Variants in CEP290 observed in about 807,000 individuals in gnomAD.
CEP290 encodes the protein centrosomal protein 290, also known as centrosomal protein of 290 kDa.
CEP290 carries 317 observed loss-of-function variants against 344.9 expected under a neutral mutation model. The observed-to-expected ratio is 0.92, with a 90% CI of 0.84 to 1.01. CEP290 has a LOEUF of 1.01. Ranked by LOEUF, CEP290 falls within the 50% of genes least tolerant of loss-of-function variation. The pLI is 0.00. For missense variants in CEP290, 2,754 were observed against 2,761.4 expected (o/e 1.00, Z 0.06); for synonymous variants, 932 against 895.8 (o/e 1.04, Z -0.72).
chr12:88,141,141 ATATTT>A (rs1158514729), intron 2 of CEP290, 60 bp downstream of exon 2: 3 of 1,286,870 alleles, frequency 2.3e-6, no homozygotes, highest in Non-Finnish European at 3.1e-6. Context: ...AAATAAATTC[ATATTT>A]TATTAATAAA....
intron 49 of CEP290, 59 bp from the exon 50 acceptor site, chr12:88,055,776 AAGTC>A: frequency 2.5e-6 from 3 of 1,195,576 alleles, no homozygotes; most frequent in Non-Finnish European, 3.5e-6. Context: ...ACTGATTTAA[AAGTC>A]AGTTCAAATA....
chr12:88,094,029 C>A, intron 27 of CEP290, 54 bp from the exon 28 acceptor site: 1 of 1,337,424 alleles, frequency 7.5e-7, no homozygotes, highest in South Asian at 1.4e-5. Flanking sequence ...AAAATTACCT[C>A]AGATATTTTA....
chr12:88,125,517 C>T (rs1218021935), intron 12 of CEP290, 148 bp from the exon 13 acceptor site: 1 of 342,048 alleles, frequency 2.9e-6, no homozygotes, highest in African/African-American at 2.1e-5. Context: ...TTGTACACTT[C>T]AACTGTAATA....
Position 88,126,396 on chromosome 12 carries a change from G to A in CEP290, c.985C>T (p.Gln329Ter), listed in dbSNP as rs2138023519. Reference sequence around the variant, plus strand: ...TTCTCCCTTAGGTTATGTAACATTTGCTGATACTCAATAATTTCATCATCT... The same window carrying A: ...TTCTCCCTTAGGTTATGTAACATTTACTGATACTCAATAATTTCATCATCT... ...SKDDEIIEYQ[Q>*]MLHNLREKLK... is the part of the protein sequence containing the mutation. The change falls in exon 12 of 54, where the codon CAA becomes TAA. Residue 329 changes from glutamine to a stop codon, truncating the protein, a stop_gained. Transcript: ENST00000552810. LOFTEE classifies it high-confidence loss of function. 1 of 1,516,086 alleles carries A rather than the reference G, an allele frequency of 6.6e-7. No individual in the cohort carries two copies. The highest frequency in any genetic ancestry group is 1.4e-5 in the African/African-American group (1 of 69,812). The allele number at this position is 1,516,086 out of a possible 1,614,324, so 93.9% of individuals were successfully genotyped here.
Position 88,118,474 on chromosome 12 carries a change from T to A in CEP290, c.1711+9A>T, listed in dbSNP as rs1354489737. 3.2e-6 allele frequency: 5 copies of A among 1,544,682 alleles called. No individual in the cohort carries two copies. On this transcript the variant is annotated intron_variant, in intron 17 of 53. Coordinates refer to ENST00000552810, the MANE Select transcript of CEP290 (RefSeq NM_025114.4). ...ATTCTTTTTAAAGGTTTAGAATAAC[T>A]GAGTATACCTGAAGTTGCACTTCTT...
Position 88,058,984 on chromosome 12 carries a change from T to G in CEP290, c.6682A>C (p.Asn2228His). The G allele has an allele frequency of 6.2e-7, 1 of 1,612,418 alleles. No homozygotes were observed. The highest frequency in any genetic ancestry group is 8.5e-7 in the Non-Finnish European group (1 of 1,179,388). ...DAAEKLRIAK[N>H]NLEILNEKMT... ...TTCTCATTTAATATCTCTAAATTAT[T>G]CTTTGCTATCCGTAATTTCTCTGCA... The change falls in exon 49 of 54, where the codon AAT becomes CAT. Residue 2228 changes from asparagine to histidine, a missense_variant. Coordinates refer to ENST00000552810, the MANE Select transcript of CEP290 (RefSeq NM_025114.4).
Position 88,126,326 on chromosome 12 carries a change from G to C in CEP290, c.1055C>G (p.Ala352Gly). Residue 352 changes from alanine to glycine, a missense_variant, in exon 12 of 54, where the codon GCT becomes GGT. Coordinates refer to ENST00000552810, the MANE Select transcript of CEP290 (RefSeq NM_025114.4). ...QLDADKSNVM[A>G]LQQGIQERDS... ...CTGTTAAGATTTTACCTGCTGTAGA[G>C]CCATAACATTACTTTTATCAGCATC... The C allele has an allele frequency of 6.7e-7, 1 of 1,486,006 alleles. No individual in the cohort carries two copies. Among genetic ancestry groups the C allele is most frequent in the Non-Finnish European group, 8.9e-7 (1 of 1,122,578 alleles). The allele number at this position is 1,486,006 out of a possible 1,614,324, so 92.1% of individuals were successfully genotyped here.
intron 31 of CEP290, 117 bp from the exon 32 acceptor site, chr12:88,088,061 C>T (rs1055513603): frequency 1.7e-5 from 7 of 415,062 alleles, no homozygotes; most frequent in Middle Eastern, 6.6e-4. Context: ...AAATAAGACA[C>T]AATGTTATCT....
intron 39 of CEP290, among the ~76,000 whole-genome samples, chr12:88,078,675 G>GTGATTA (rs1469236728): frequency 6.6e-6 from 1 of 151,986 alleles, no homozygotes; most frequent in African/African-American, 2.4e-5. Flanking sequence ...TGGACTTTGG[G>GTGATTA]TGATTATGAT....
chr12:88,092,372 C>A (rs1482941526), intron 29 of CEP290, among the ~76,000 whole-genome samples: 1 of 152,042 alleles, frequency 6.6e-6, no homozygotes, highest in African/African-American at 2.4e-5. Context: ...CAATAAACAA[C>A]CATTCCTCCT....
chr12:88,092,392 C>A (rs559224478), intron 29 of CEP290, among the ~76,000 whole-genome samples: 1 of 152,152 alleles, frequency 6.6e-6, no homozygotes, highest in Non-Finnish European at 1.5e-5. Flanking sequence ...TCCATCACCC[C>A]TTCCCCAAAA....
intron 3 of CEP290, 105 bp downstream of exon 3, chr12:88,140,851 T>C: frequency 1.5e-6 from 1 of 674,978 alleles, no homozygotes; most frequent in Non-Finnish European, 2.5e-6. Flanking sequence ...TTAGTGGTGA[T>C]GTAGATATTA....
Position 88,062,712 on chromosome 12 carries a change from T to A in CEP290, c.6337A>T (p.Lys2113Ter). 2 of 1,604,172 alleles carry A rather than the reference T, an allele frequency of 1.2e-6. No individual in the cohort carries two copies. Among genetic ancestry groups the A allele is most frequent in the Non-Finnish European group, 1.7e-6 (2 of 1,174,698 alleles). Reference sequence around the variant, plus strand: ...CATACCCCTCTAACATGGCCAAGTTTCCGCTGAACTTCTGCTTTTTCTTTC... The same window carrying A: ...CATACCCCTCTAACATGGCCAAGTTACCGCTGAACTTCTGCTTTTTCTTTC... ...LKKEKAEVQR[K>*]LGHVRGSGRS... The change falls in exon 46 of 54, where the codon AAA (lysine) becomes TAA (stop). Residue 2113 changes from lysine (K) to a stop codon, truncating the protein, a stop_gained. Coordinates refer to ENST00000552810, the MANE Select transcript of CEP290 (RefSeq NM_025114.4). LOFTEE classifies it high-confidence loss of function.
intron 3 of CEP290, among the ~76,000 whole-genome samples, chr12:88,140,124 C>T (rs1486659237): frequency 6.6e-6 from 1 of 152,094 alleles, no homozygotes; most frequent in East Asian, 1.9e-4. Context: ...CTCCTTTTTA[C>T]CTCAAGTCCT....
At position 88,136,562 on chromosome 12, in the gene CEP290, A is replaced by C. The variant is rs187172198; in HGVS notation, c.441+81T>G. The C allele has an allele frequency of 2.2e-6, 3 of 1,356,130 alleles. No individual in the cohort carries two copies. The African/African-American group carries it at 4.4e-5, about 20-fold the overall frequency. The allele number at this position is 1,356,130 out of a possible 1,614,324, so 84.0% of individuals were successfully genotyped here. A position where few individuals can be genotyped will look rare whatever the true frequency, so the allele number is the denominator to read the frequency against. On this transcript the variant is annotated intron_variant, in intron 6 of 53. Transcript: ENST00000552810. ...TTTTTCAAATATAACATACAATATAAAAATTGATATTGTTACCAATAATAA... is the reference window on the plus strand; with the variant it reads ...TTTTTCAAATATAACATACAATATACAAATTGATATTGTTACCAATAATAA...
At chr12:88,117,722 C>T (rs2039139372) in intron 17 of CEP290, among the ~76,000 whole-genome samples, 1 of 152,120 alleles carries the variant, frequency 6.6e-6, no homozygotes, top group Non-Finnish European at 1.5e-5. Context: ...TTCAATAAAA[C>T]ATTACTTTCA....
chr12:88,072,486 C>T (rs1277560349), intron 41 of CEP290, among the ~76,000 whole-genome samples: 1 of 152,090 alleles, frequency 6.6e-6, no homozygotes, highest in Non-Finnish European at 1.5e-5. Flanking sequence ...GCTAACTATG[C>T]TTTATTCTAT....
chr12:88,083,774 G>T, intron 36 of CEP290, 73 bp downstream of exon 36: 1 of 966,520 alleles, frequency 1.0e-6, no homozygotes, highest in Non-Finnish European at 1.6e-6. Context: ...TTCCAAAAAA[G>T]AAGAGAGCTG....
In CEP290 at chr12:88,111,212, T is replaced by A; in HGVS notation, c.2357A>T (p.His786Leu). 7.2e-7 allele frequency: 1 copy of A among 1,384,206 alleles called. No homozygotes were observed. 85.7% of individuals were successfully genotyped at this position (1,384,206 alleles called of 1,614,324 possible). Residue 786 changes from histidine to leucine, a missense_variant, in exon 22 of 54, where the codon CAT (histidine) becomes CTT (leucine). Transcript: ENST00000552810. ...CAAAATTTTCAATACCTGTAACAAA[T>A]GTATTAAATATTCATTCTGAGAATT... ...IINSQNEYLIHLLQELENKEK... is the reference protein window; with the variant it reads ...IINSQNEYLILLLQELENKEK...
Sources: gnomAD v4.1 joint callset for allele counts (sites outside exome capture counted in the v4.1 genomes callset) on GRCh38, gnomAD v4.1.1 for gene constraint, MANE v1.5 for transcripts, NCBI Gene and HGNC (gene_info 2026-07-23, HGNC 2026-07-21) for gene names.